The following EFCAB13 variants were observed in gnomAD, a reference collection of about 807,000 sequenced individuals.
EFCAB13 encodes the protein EF-hand calcium-binding domain-containing protein 13.
In EFCAB13, 91 loss-of-function variants were observed where a neutral mutation model predicts 110.2. That is an observed-to-expected ratio of 0.83 (90% CI 0.70 to 0.98). The LOEUF is 0.98. Ranked by LOEUF, EFCAB13 falls within the 50% of genes least tolerant of loss-of-function variation. The pLI is 0.00. For missense variants in EFCAB13, 968 were observed against 1,119.4 expected (o/e 0.86, Z 1.93); for synonymous variants, 323 against 369.9 (o/e 0.87, Z 1.45).
chr17:47,355,642 G>A (rs553310796), intron 9 of EFCAB13, among the ~76,000 whole-genome samples: 12 of 146,972 alleles, frequency 8.2e-5, no homozygotes, highest in African/African-American at 1.8e-4. Flanking sequence ...ATGCGATCTC[G>A]GCTTACTGCA....
chr17:47,413,619 C>T (rs1299147540), intron 22 of EFCAB13, among the ~76,000 whole-genome samples: 1 of 152,096 alleles, frequency 6.6e-6, no homozygotes, highest in East Asian at 1.9e-4. Flanking sequence ...TGTTATTCAC[C>T]TAGATCAATT....
chr17:47,401,617 T>C (rs556661239), intron 17 of EFCAB13, among the ~76,000 whole-genome samples: 227 of 151,828 alleles, frequency 1.5e-3, no homozygotes, highest in Non-Finnish European at 1.9e-3. Flanking sequence ...CATTGATTGA[T>C]TGAAATTGAG....
At position 47,361,483 on chromosome 17, in the gene EFCAB13, A is replaced by AAAT. The variant is rs748314029; in HGVS notation, c.768_770dup (p.Ile257dup). ...AGCATGGGTATCCCTATAAACCGTG[A>AAAT]AATTTTAGAAGAAGTGACAAAACAT... On this transcript the variant is annotated inframe_insertion, in exon 10 of 25. Coordinates refer to ENST00000331493, the MANE Select transcript of EFCAB13 (RefSeq NM_152347.5). 6.2e-7 allele frequency: 1 copy of AAAT among 1,612,700 alleles called. No individual in the cohort carries two copies. Among genetic ancestry groups the AAAT allele is most frequent in the Non-Finnish European group, 8.5e-7 (1 of 1,178,996 alleles).
rs2065343089 is a variant in EFCAB13, at chr17:47,335,302, T to C, written c.137T>C (p.Ile46Thr). 6.2e-7 allele frequency: 1 copy of C among 1,607,964 alleles called. No individual in the cohort carries two copies. Among genetic ancestry groups the C allele is most frequent in the South Asian group, 1.1e-5 (1 of 89,086 alleles). Residue 46 changes from isoleucine (I) to threonine (T), a missense_variant, in exon 5 of 25, where the codon ATA (isoleucine) becomes ACA (threonine). Physicochemically the swap from Ile to Thr is moderately conservative, Grantham distance 89. Coordinates refer to ENST00000331493, the MANE Select transcript of EFCAB13 (RefSeq NM_152347.5). ...AAATACATCAAGTTTTCTAAAACAA[T>C]AGAGAAGGAAATTTCACCGGAAATT... ...HKKYIKFSKTIEKEISPEIRS... is the reference protein window; with the variant it reads ...HKKYIKFSKTTEKEISPEIRS...
chr17:47,414,778 C>T (rs1339773820), intron 22 of EFCAB13, 70 bp from the exon 23 acceptor site: 84 of 951,642 alleles, frequency 8.8e-5, no homozygotes, highest in South Asian at 5.1e-4. Flanking sequence ...TATTGTAAAT[C>T]GGTCTTTATT....
intron 23 of EFCAB13, among the ~76,000 whole-genome samples, chr17:47,418,142 G>C (rs1285216320): frequency 6.6e-6 from 1 of 152,172 alleles, no homozygotes; most frequent in Non-Finnish European, 1.5e-5. Flanking sequence ...ACAATCAAAA[G>C]ATGGCAGCAG....
At chr17:47,412,202 G>A (rs1234708597) in intron 21 of EFCAB13, among the ~76,000 whole-genome samples, 1 of 152,276 alleles carries the variant, frequency 6.6e-6, no homozygotes, top group East Asian at 1.9e-4. Context: ...GTTTGGTTAT[G>A]TGAGTTGTGC....
intron 23 of EFCAB13, among the ~76,000 whole-genome samples, chr17:47,421,492 G>GAAGGCC (rs1270779725): frequency 4.0e-5 from 6 of 151,752 alleles, no homozygotes; most frequent in Admixed American, 2.0e-4. Flanking sequence ...AAACACTGCG[G>GAAGGCC]AAGGCCGCAG....
chr17:47,369,468 A>G (rs1405642168), intron 10 of EFCAB13: 1 of 155,862 alleles, frequency 6.4e-6, no homozygotes, highest in Admixed American at 6.4e-5. Context: ...TGTGCATAGT[A>G]ATAATATGTC....
At chr17:47,399,211 G>A (rs1206735570) in intron 17 of EFCAB13, among the ~76,000 whole-genome samples, 1 of 152,138 alleles carries the variant, frequency 6.6e-6, no homozygotes, top group East Asian at 1.9e-4. Flanking sequence ...TACCGCACCA[G>A]GCCTGTGTTT....
Position 47,414,887 on chromosome 17 carries a change from T to G in EFCAB13, c.2462T>G (p.Met821Arg). ...GATTTAAAAGATTTCTTAATGAAAATGAAAGAAAGTCCACATTTCCAAAAG... is the reference window on the plus strand; with the variant it reads ...GATTTAAAAGATTTCTTAATGAAAAGGAAAGAAAGTCCACATTTCCAAAAG... ...EVDLKDFLMK[M>R]KESPHFQKSK... is the part of the protein sequence containing the mutation. Residue 821 changes from methionine (M) to arginine (R), a missense_variant, in exon 23 of 25, where the codon ATG becomes AGG. By Grantham distance (91) the Met-to-Arg change is moderately conservative (BLOSUM62 -1). Transcript: ENST00000331493. 6.2e-7 allele frequency: 1 copy of G among 1,607,926 alleles called. No homozygotes were observed. The highest frequency in any genetic ancestry group is 8.5e-7 in the Non-Finnish European group (1 of 1,175,874).
At chr17:47,412,939 AT>A in intron 22 of EFCAB13, 23 bp downstream of exon 22, 1 of 1,593,926 alleles carries the variant, frequency 6.3e-7, no homozygotes. Context: ...TTGGCCTGAG[AT>A]TCTTTTCATT....
At position 47,361,469 on chromosome 17, in the gene EFCAB13, C is replaced by T. The variant is rs1246457277; in HGVS notation, c.753C>T (p.Ile251=). ...TTGCTGTTTTGGATAGCATGGGTAT[C>T]CCTATAAACCGTGAAATTTTAGAAG... The part of the protein sequence containing the change: ...DVFAVLDSMG[I]PINREILEEV... Residue 251 remains isoleucine (I), a synonymous_variant, in exon 10 of 25, where the codon ATC becomes ATT. Coordinates refer to ENST00000331493, the MANE Select transcript of EFCAB13 (RefSeq NM_152347.5). The T allele has an allele frequency of 1.2e-6, 2 of 1,613,398 alleles. No homozygotes were observed. Among genetic ancestry groups the T allele is most frequent in the African/African-American group, 1.3e-5 (1 of 74,980 alleles).
chr17:47,374,583 C>T lies in EFCAB13; in HGVS notation c.989C>T (p.Pro330Leu). The T allele has an allele frequency of 1.2e-6, 2 of 1,603,534 alleles. No homozygotes were observed. Among genetic ancestry groups the T allele is most frequent in the Non-Finnish European group, 1.7e-6 (2 of 1,177,316 alleles). ...AAAAATAGTTTGTCTTCCAAACTCC[C>T]TGAACCTTCAATATCCAAAAAGTTA... Reference protein sequence around the residue: ...KKKNSLSSKLPEPSISKKLNK... With the variant: ...KKKNSLSSKLLEPSISKKLNK... The change falls in exon 12 of 25, where the codon CCT becomes CTT. Residue 330 changes from proline to leucine, a missense_variant. Coordinates refer to ENST00000331493, the MANE Select transcript of EFCAB13 (RefSeq NM_152347.5).
chr17:47,436,561 G>A (rs1905218533), intron 24 of EFCAB13, among the ~76,000 whole-genome samples: 1 of 151,922 alleles, frequency 6.6e-6, no homozygotes, highest in African/African-American at 2.4e-5. Flanking sequence ...TGTGCGCAAG[G>A]GTGTTCATAG....
At chr17:47,331,958 T>G (rs1219494796) in intron 4 of EFCAB13, among the ~76,000 whole-genome samples, 3 of 152,182 alleles carry the variant, frequency 2.0e-5, no homozygotes, top group African/African-American at 7.2e-5. Flanking sequence ...CACAGTTTAT[T>G]TATTAATTAC....
At chr17:47,429,985 C>A in intron 24 of EFCAB13, 24 bp downstream of exon 24, 1 of 1,563,350 alleles carries the variant, frequency 6.4e-7, no homozygotes, top group Non-Finnish European at 8.7e-7. Flanking sequence ...ATGCGTCTAT[C>A]TTATAAGGAC....
chr17:47,436,473 C>A (rs953900451), intron 24 of EFCAB13, among the ~76,000 whole-genome samples: 1 of 151,942 alleles, frequency 6.6e-6, no homozygotes, highest in African/African-American at 2.4e-5. Context: ...GTTCAGGATA[C>A]CTAATTCCTC....
chr17:47,429,840 T>C lies in EFCAB13; in HGVS notation c.2517T>C (p.Thr839=). 1.9e-6 allele frequency: 3 copies of C among 1,608,800 alleles called. No individual in the cohort carries two copies. The highest frequency in any genetic ancestry group is 2.5e-6 in the Non-Finnish European group (3 of 1,176,632). ...CAGCTACACAGATACTCTTAGCTACTACCCAAATTCTCCAGAATGATCTAG... is the reference window on the plus strand; with the variant it reads ...CAGCTACACAGATACTCTTAGCTACCACCCAAATTCTCCAGAATGATCTAG... The part of the protein sequence containing the change: ...KSKATQILLA[T]TQILQNDLVD... The change falls in exon 24 of 25, where the codon ACT becomes ACC. Residue 839 remains threonine, a synonymous_variant. Coordinates refer to ENST00000331493, the MANE Select transcript of EFCAB13 (RefSeq NM_152347.5).
Sources: allele counts gnomAD v4.1 joint callset (sites outside exome capture counted in the v4.1 genomes callset), GRCh38; gene constraint gnomAD v4.1.1; transcripts MANE v1.5; gene names NCBI Gene and HGNC (gene_info 2026-07-23, HGNC 2026-07-21).